MAGI2: variants seen among roughly 807,000 people sequenced by gnomAD.
MAGI2 encodes the protein membrane associated guanylate kinase, WW and PDZ domain containing 2, also known as membrane-associated guanylate kinase, WW and PDZ domain-containing protein 2.
MAGI2 carries 35 observed loss-of-function variants against 133.3 expected under a neutral mutation model. The ratio of observed to expected loss-of-function variants is 0.26; its 90% CI spans 0.20 to 0.35. The LOEUF (loss-of-function observed/expected upper bound fraction) is 0.35. MAGI2 is among the 10% of genes least tolerant of loss of function. The pLI, the probability that MAGI2 is intolerant of heterozygous loss-of-function variation, is 1.00. For synonymous variants in MAGI2, 729 were observed against 710.6 expected (o/e 1.03, Z -0.41); for missense variants, 1,636 against 1,863.4 (o/e 0.88, Z 2.25).
Position 78,018,557 on chromosome 7 carries a change from T to C in MAGI2, c.*758A>G, listed in dbSNP as rs934900566. The C allele has an allele frequency of 2.0e-5, 3 of 152,226 alleles. No individual in the cohort carries two copies. Among genetic ancestry groups the C allele is most frequent in the Non-Finnish European group, 4.4e-5 (3 of 68,038 alleles). 9.4% of individuals were successfully genotyped at this position (152,226 alleles called of 1,614,324 possible). On this transcript the variant is annotated 3_prime_UTR_variant, in exon 22 of 22. Transcript: ENST00000354212. ...AGCTAAACTGCAAAATTCTGACTTA[T>C]GGCAAACTGTTCCCTAGGATACAAT...
At chr7:78,926,118 C>T (rs946115516) in intron 2 of MAGI2, among the ~76,000 whole-genome samples, 3 of 152,196 alleles carry the variant, frequency 2.0e-5, no homozygotes, top group Admixed American at 2.0e-4. Flanking sequence ...GTTTCTCTCC[C>T]TCATCTGTTA....
At chr7:78,106,678 A>T (rs1563128588) in intron 20 of MAGI2, among the ~76,000 whole-genome samples, 1 of 152,178 alleles carries the variant, frequency 6.6e-6, no homozygotes, top group African/African-American at 2.4e-5. Flanking sequence ...ATGTCTATTC[A>T]GATATTTTGC....
chr7:78,547,953 C>T (rs920120153), intron 3 of MAGI2, among the ~76,000 whole-genome samples: 1 of 152,146 alleles, frequency 6.6e-6, no homozygotes, highest in Non-Finnish European at 1.5e-5. Context: ...TTGCCTTAAC[C>T]TTTTAAGCTT....
chr7:78,398,861 T>C (rs180986361), intron 6 of MAGI2, among the ~76,000 whole-genome samples: 1 of 152,268 alleles, frequency 6.6e-6, no homozygotes, highest in East Asian at 1.9e-4. Context: ...TTGAGTTCAA[T>C]CTCCCTTATT....
intron 2 of MAGI2, among the ~76,000 whole-genome samples, chr7:78,737,660 TAA>T (rs1385579789): frequency 2.6e-5 from 4 of 152,164 alleles, no homozygotes; most frequent in African/African-American, 7.2e-5. Flanking sequence ...AGAAATTAAA[TAA>T]GTTTGCAAAA....
chr7:79,339,458 G>GT (rs1474615393), intron 1 of MAGI2, among the ~76,000 whole-genome samples: 24 of 103,394 alleles, frequency 2.3e-4, no homozygotes, highest in African/African-American at 1.0e-3. Context: ...GTTTGTTTTT[G>GT]TTTTTGTTTT....
At chr7:79,077,590 A>AAG (rs1554351937) in intron 1 of MAGI2, among the ~76,000 whole-genome samples, 1 of 136,020 alleles carries the variant, frequency 7.4e-6, no homozygotes, top group East Asian at 2.1e-4. Flanking sequence ...AAAAAAAAAA[A>AAG]AAAAATAAAT....
At chr7:78,509,282 G>C (rs868298860) in intron 4 of MAGI2, 2 of 152,032 alleles carry the variant, frequency 1.3e-5, no homozygotes, top group African/African-American at 4.8e-5. Context: ...ATTGGGGCAC[G>C]AAACAGACAT....
At chr7:78,766,278 T>C (rs956069447) in intron 2 of MAGI2, among the ~76,000 whole-genome samples, 1 of 152,230 alleles carries the variant, frequency 6.6e-6, no homozygotes, top group Non-Finnish European at 1.5e-5. Context: ...TGGAGAAAGA[T>C]AGAAACTTCA....
At chr7:78,369,248 A>C in intron 6 of MAGI2, 35 bp from the exon 7 acceptor site, 2 of 1,387,294 alleles carry the variant, frequency 1.4e-6, no homozygotes. Flanking sequence ...TAAATAAAGA[A>C]TATCACAATT....
intron 2 of MAGI2, among the ~76,000 whole-genome samples, chr7:78,651,191 T>C (rs1811519632): frequency 6.6e-6 from 1 of 152,098 alleles, no homozygotes; most frequent in African/African-American, 2.4e-5. Flanking sequence ...TCTACTGTAA[T>C]AGAGATTGAT....
intron 3 of MAGI2, among the ~76,000 whole-genome samples, chr7:78,528,492 C>T (rs929515420): frequency 1.1e-4 from 17 of 152,036 alleles, no homozygotes; most frequent in Admixed American, 9.8e-4. Context: ...ACTCATGTCA[C>T]CCATGGCAAA....
intron 4 of MAGI2, among the ~76,000 whole-genome samples, chr7:78,513,521 G>A (rs942109815): frequency 1.3e-5 from 2 of 152,062 alleles, no homozygotes; most frequent in African/African-American, 4.8e-5. Context: ...GGACACAGGT[G>A]AAAATCAGAC....
At chr7:78,968,871 T>C (rs2115932706) in intron 2 of MAGI2, among the ~76,000 whole-genome samples, 1 of 152,236 alleles carries the variant, frequency 6.6e-6, no homozygotes, top group Middle Eastern at 3.4e-3. Flanking sequence ...ATTCAGCTGC[T>C]AATACAGGAG....
intron 2 of MAGI2, among the ~76,000 whole-genome samples, chr7:78,813,494 T>A (rs1789255527): frequency 6.6e-6 from 1 of 152,054 alleles, no homozygotes; most frequent in Non-Finnish European, 1.5e-5. Flanking sequence ...TGAGCAAAAC[T>A]ATCAGCAGGG....
chr7:78,090,307 A>G (rs1007239368), intron 20 of MAGI2, among the ~76,000 whole-genome samples: 1 of 152,202 alleles, frequency 6.6e-6, no homozygotes, highest in African/African-American at 2.4e-5. Flanking sequence ...AACCTACTCA[A>G]TTATAAACTC....
intron 6 of MAGI2, among the ~76,000 whole-genome samples, chr7:78,458,652 T>TTTTA (rs1789610938): frequency 1.4e-5 from 2 of 147,676 alleles, no homozygotes. Context: ...TTTTTTTTTT[T>TTTTA]GAGACAGAGT....
At chr7:78,321,938 C>T (rs1584869169) in intron 9 of MAGI2, among the ~76,000 whole-genome samples, 1 of 151,960 alleles carries the variant, frequency 6.6e-6, no homozygotes, top group East Asian at 1.9e-4. Flanking sequence ...AAAACAACCC[C>T]CTCAAAAAGT....
intron 21 of MAGI2, 129 bp downstream of exon 21, chr7:78,078,818 A>G (rs199794190): frequency 1.8e-4 from 148 of 832,716 alleles, no homozygotes; most frequent in Middle Eastern, 2.5e-4. Flanking sequence ...GTGTGTATAT[A>G]TATACCTATT....
Sources: allele counts gnomAD v4.1 joint callset (sites outside exome capture counted in the v4.1 genomes callset), GRCh38; gene constraint gnomAD v4.1.1; transcripts MANE v1.5; gene names NCBI Gene and HGNC (gene_info 2026-07-23, HGNC 2026-07-21).